Variants in DPF3 observed in about 807,000 individuals in gnomAD.
The protein encoded by DPF3 is double PHD fingers 3, also known as zinc finger protein DPF3.
In DPF3, 18 loss-of-function variants were observed where a neutral mutation model predicts 56.8. That is an observed-to-expected ratio of 0.32 (90% CI 0.22 to 0.47). The LOEUF (loss-of-function observed/expected upper bound fraction) is 0.47. Ranked by LOEUF, DPF3 falls within the 20% of genes least tolerant of loss-of-function variation. DPF3 has a pLI of 1.00. For synonymous variants in DPF3, 188 were observed against 180.2 expected, an observed-to-expected ratio of 1.04 and a Z score of -0.35; for missense variants, 403 against 488.8, an observed-to-expected ratio of 0.82 and a Z score of 1.65.
chr14:72,782,412 G>T (rs758116126), intron 1 of DPF3, among the ~76,000 whole-genome samples: 1 of 152,030 alleles, frequency 6.6e-6, no homozygotes, highest in Non-Finnish European at 1.5e-5. Context: ...TTTTATAGAG[G>T]CAGGGTTTTG....
intron 1 of DPF3, among the ~76,000 whole-genome samples, chr14:72,812,679 G>A (rs562172741): frequency 6.6e-6 from 1 of 152,160 alleles, no homozygotes; most frequent in Non-Finnish European, 1.5e-5. Flanking sequence ...GCTAGGCCTG[G>A]GGGGAGAGGG....
At chr14:72,800,380 G>GGATA (rs60893877) in intron 1 of DPF3, among the ~76,000 whole-genome samples, 6,988 of 22,688 alleles carry the variant, frequency 0.31, 355 homozygotes, top group South Asian at 0.51. Context: ...ATAGATAAAT[G>GGATA]GATGGATGGA....
chr14:72,827,154 G>T (rs1326103061), intron 1 of DPF3, among the ~76,000 whole-genome samples: 4 of 151,810 alleles, frequency 2.6e-5, no homozygotes, highest in Non-Finnish European at 5.9e-5. Flanking sequence ...TCTTTCATGT[G>T]CCATGTTCCG....
rs143784605 is a variant in DPF3 at position 72,730,573 on chromosome 14, G to A, written c.429+1234C>T. On this transcript the variant is annotated intron_variant, in intron 4 of 10. Transcript: ENST00000556509. ...CATGACCGCATTGGCCCTGGCTATC[G>A]ATGGAACTTACCAAGCCAACCAGCA... 4.5e-3 allele frequency among the ~76,000 whole-genome samples: 683 copies of A among 152,088 alleles called. 7 individuals are homozygous for A. Among genetic ancestry groups the A allele is most frequent in the African/African-American group, 0.011 (456 of 41,488 alleles).
At chr14:72,800,607 T>C (rs1439645589) in intron 1 of DPF3, among the ~76,000 whole-genome samples, 1 of 152,082 alleles carries the variant, frequency 6.6e-6, no homozygotes, top group Non-Finnish European at 1.5e-5. Flanking sequence ...CATGAATGAA[T>C]GCATGCATGC....
intron 3 of DPF3, among the ~76,000 whole-genome samples, chr14:72,744,616 T>C (rs1890253624): frequency 1.3e-5 from 2 of 152,074 alleles, no homozygotes; most frequent in East Asian, 3.9e-4. Context: ...CTCAAGATTC[T>C]TGAACGTGCA....
At chr14:72,724,422 T>C (rs568772430) in intron 4 of DPF3, among the ~76,000 whole-genome samples, 18 of 152,094 alleles carry the variant, frequency 1.2e-4, no homozygotes, top group Non-Finnish European at 2.6e-4. Context: ...GATCATCCAG[T>C]GAAGCCATGA....
chr14:72,783,021 G>A (rs1340739719), intron 1 of DPF3, among the ~76,000 whole-genome samples: 1 of 151,908 alleles, frequency 6.6e-6, no homozygotes, highest in Non-Finnish European at 1.5e-5. Context: ...CATCCTCACT[G>A]CACTCCTTTC....
At chr14:72,852,950 C>T (rs2068536376) in intron 1 of DPF3, among the ~76,000 whole-genome samples, 2 of 151,134 alleles carry the variant, frequency 1.3e-5, no homozygotes, top group Non-Finnish European at 2.9e-5. Flanking sequence ...CTCAATTTAC[C>T]AATAGTCAAA....
At chr14:72,840,761 AC>A (rs1884512451) in intron 1 of DPF3, among the ~76,000 whole-genome samples, 2 of 152,230 alleles carry the variant, frequency 1.3e-5, no homozygotes, top group Admixed American at 1.3e-4. Flanking sequence ...GCCACTACCA[AC>A]AAAAAAGCAA....
intron 4 of DPF3, chr14:72,731,447 G>A (rs144581067): frequency 1.1e-4 from 21 of 190,688 alleles, no homozygotes; most frequent in South Asian, 2.1e-4. Context: ...ACGCTCCCAC[G>A]TTTCAAGCCT....
At position 72,672,056 on chromosome 14, in the gene DPF3, C is replaced by G. The variant is rs867821455; in HGVS notation, c.871+2184G>C. ...ACACACACACACACACACACACACA[C>G]ACAGACACACACACACACACACACA... On this transcript the variant is annotated intron_variant, in intron 8 of 10. Coordinates refer to ENST00000556509, the MANE Select transcript of DPF3 (RefSeq NM_001280542.3). Among the ~76,000 whole-genome samples the G allele has an allele frequency of 2.4e-3, 336 of 138,700 alleles. 1 individual carries two copies. Among genetic ancestry groups the G allele is most frequent in the African/African-American group, 8.6e-3 (301 of 35,078 alleles). 91.0% of individuals were successfully genotyped at this position (138,700 alleles called of 152,430 possible). A position where few individuals can be genotyped will look rare whatever the true frequency, so the allele number is the denominator to read the frequency against.
At chr14:72,764,155 C>T (rs901229631) in intron 2 of DPF3, among the ~76,000 whole-genome samples, 6 of 151,338 alleles carry the variant, frequency 4.0e-5, no homozygotes, top group African/African-American at 9.8e-5. Flanking sequence ...GCAGGCTGTA[C>T]CTTTTAGCCC....
At chr14:72,675,269 C>T (rs1378187632) in intron 7 of DPF3, among the ~76,000 whole-genome samples, 1 of 152,240 alleles carries the variant, frequency 6.6e-6, no homozygotes, top group Non-Finnish European at 1.5e-5. Context: ...TTTCCAGGGG[C>T]TGCTTGAGAA....
At position 72,660,100 on chromosome 14, in the gene DPF3, G is replaced by GA. The variant is rs1886162229; in HGVS notation, c.871+14139dup. On this transcript the variant is annotated intron_variant, in intron 8 of 10. Transcript: ENST00000556509. Reference sequence around the variant, plus strand: ...GTACAGAGTTTCAGTTGGAGAAGATGAAAAAATCCTAGAGATGGATGGTGA... The same window carrying GA: ...GTACAGAGTTTCAGTTGGAGAAGATGAAAAAAATCCTAGAGATGGATGGTGA... 2.0e-5 allele frequency among the ~76,000 whole-genome samples: 3 copies of GA among 151,904 alleles called. No homozygotes were observed. In the South Asian group the frequency reaches 6.2e-4, roughly 32 times the overall value.
intron 1 of DPF3, among the ~76,000 whole-genome samples, chr14:72,881,944 G>C (rs1356686801): frequency 6.7e-6 from 1 of 149,822 alleles, no homozygotes; most frequent in Non-Finnish European, 1.5e-5. Flanking sequence ...AGCTGGGTAA[G>C]TGAAGGGGGG....
chr14:72,860,316 A>G (rs1303706956), intron 1 of DPF3, among the ~76,000 whole-genome samples: 1 of 151,594 alleles, frequency 6.6e-6, no homozygotes, highest in Non-Finnish European at 1.5e-5. Flanking sequence ...CCAAGTAGCT[A>G]GGACTACAGG....
At chr14:72,748,683 T>C (rs1890429117) in intron 3 of DPF3, among the ~76,000 whole-genome samples, 1 of 152,202 alleles carries the variant, frequency 6.6e-6, no homozygotes, top group Non-Finnish European at 1.5e-5. Flanking sequence ...CCTTCTGTTA[T>C]GTGCAGCCTA....
intron 2 of DPF3, among the ~76,000 whole-genome samples, chr14:72,770,145 T>C (rs1027998402): frequency 1.3e-5 from 2 of 152,142 alleles, no homozygotes; most frequent in Admixed American, 1.3e-4. Flanking sequence ...ATGAGCCTCT[T>C]GATGAAAGTA....
Sources: allele counts gnomAD v4.1 joint callset (sites outside exome capture counted in the v4.1 genomes callset), GRCh38; gene constraint gnomAD v4.1.1; transcripts MANE v1.5; gene names NCBI Gene and HGNC (gene_info 2026-07-23, HGNC 2026-07-21).